The following SLC6A6 variants were observed in gnomAD, a reference collection of about 807,000 sequenced individuals.
SLC6A6 encodes solute carrier family 6 member 6.
A neutral mutation model predicts 68.8 loss-of-function variants in SLC6A6; 16 were observed. The observed-to-expected ratio is 0.23, with a 90% CI of 0.16 to 0.35. The LOEUF (loss-of-function observed/expected upper bound fraction) is 0.35, where lower values mean the gene tolerates loss of function less well. Ranked by LOEUF, SLC6A6 falls within the 10% of genes least tolerant of loss-of-function variation. The pLI is 1.00. For missense variants in SLC6A6, 474 were observed against 802.8 expected, an observed-to-expected ratio of 0.59 and a Z score of 4.95; for synonymous variants, 312 against 315.4, an observed-to-expected ratio of 0.99 and a Z score of 0.12.
At chr3:14,454,855 C>T (rs1209126838) in intron 5 of SLC6A6, among the ~76,000 whole-genome samples, 1 of 152,152 alleles carries the variant, frequency 6.6e-6, no homozygotes, top group African/African-American at 2.4e-5. Context: ...TCTCTGTCTC[C>T]CTCCCTCTTT....
At chr3:14,426,536 G>A (rs1309233177) in intron 2 of SLC6A6, among the ~76,000 whole-genome samples, 7 of 152,214 alleles carry the variant, frequency 4.6e-5, no homozygotes, top group South Asian at 2.1e-4. Flanking sequence ...CGCTACTTTC[G>A]GACTAATTAG....
chr3:14,419,732 G>A (rs1417428136), intron 2 of SLC6A6, among the ~76,000 whole-genome samples: 1 of 152,106 alleles, frequency 6.6e-6, no homozygotes, highest in Non-Finnish European at 1.5e-5. Context: ...TGTGCAAAAG[G>A]CCTAGCACAT....
rs3836358 is a variant in SLC6A6 at position 14,447,221 on chromosome 3, TATCCATCC to T, written c.365-323_365-316del. On this transcript the variant is annotated intron_variant, in intron 4 of 14. Transcript: ENST00000622186. ...CATCTATTTATCTCATCTATTCAGC[TATCCATCC>T]ATCCATCCATCCATCCATCCATCCA... is the stretch of plus-strand genomic sequence containing the variant. Among the ~76,000 whole-genome samples, 895 of 149,468 alleles carry T rather than the reference TATCCATCC, an allele frequency of 6.0e-3. 9 individuals carry two copies. Among genetic ancestry groups the T allele is most frequent in the African/African-American group, 0.01 (416 of 40,476 alleles).
intron 5 of SLC6A6, among the ~76,000 whole-genome samples, chr3:14,449,215 C>T (rs1574943071): frequency 6.6e-6 from 1 of 152,202 alleles, no homozygotes; most frequent in African/African-American, 2.4e-5. Flanking sequence ...TTGGTCGGTC[C>T]GTGTCACTGT....
intron 9 of SLC6A6, among the ~76,000 whole-genome samples, chr3:14,471,692 G>A (rs1700755732): frequency 6.6e-6 from 1 of 152,232 alleles, no homozygotes; most frequent in East Asian, 1.9e-4. Context: ...CCCCTGAAGA[G>A]ACAGGCCTCC....
intron 13 of SLC6A6, among the ~76,000 whole-genome samples, chr3:14,479,566 G>T (rs930105461): frequency 6.6e-6 from 1 of 152,146 alleles, no homozygotes; most frequent in Non-Finnish European, 1.5e-5. Context: ...GGTCACTGGG[G>T]AAGTAGAGGG....
At position 14,472,375 on chromosome 3, in the gene SLC6A6, A is replaced by C; in HGVS notation, c.1209+58A>C. 1 of 1,041,798 alleles carries C rather than the reference A, an allele frequency of 9.6e-7. No individual in the cohort carries two copies. Among genetic ancestry groups the C allele is most frequent in the East Asian group, 2.4e-5 (1 of 42,160 alleles). 64.5% of individuals were successfully genotyped at this position (1,041,798 alleles called of 1,614,324 possible). ...CCCTGTGGGGAACCTGACTCTGGGA[A>C]AGACTCCTTATTCCACCTGGGAGGT... On this transcript the variant is annotated intron_variant, in intron 10 of 14. Coordinates refer to ENST00000622186, the MANE Select transcript of SLC6A6 (RefSeq NM_003043.6). The surrounding 1 kb of genome is among the most constrained non-coding windows in gnomAD (Gnocchi z 4.5).
intron 2 of SLC6A6, among the ~76,000 whole-genome samples, chr3:14,425,992 C>T (rs1008678946): frequency 9.7e-4 from 148 of 152,294 alleles, no homozygotes; most frequent in African/African-American, 3.2e-3. Context: ...CTGGGCCTCG[C>T]GCAGCCAGGG....
At chr3:14,433,337 C>T (rs553180836) in intron 2 of SLC6A6, among the ~76,000 whole-genome samples, 1 of 152,246 alleles carries the variant, frequency 6.6e-6, no homozygotes, top group South Asian at 2.1e-4. Context: ...ACCCATGGAG[C>T]CGGCAGGGTT....
Position 14,472,329 on chromosome 3 carries a change from G to A in SLC6A6, c.1209+12G>A. The A allele has an allele frequency of 6.6e-7, 1 of 1,505,364 alleles. No individual in the cohort carries two copies. The highest frequency in any genetic ancestry group is 9.3e-7 in the Non-Finnish European group (1 of 1,080,864). The allele number at this position is 1,505,364 out of a possible 1,614,324, so 93.3% of individuals were successfully genotyped here. ...GACTGGATAGCCAGGTGCGTATAAG[G>A]GATGGCCCTGGGGCGACTGCCCCTG... On this transcript the variant is annotated intron_variant, in intron 10 of 14. Coordinates refer to ENST00000622186, the MANE Select transcript of SLC6A6 (RefSeq NM_003043.6). The surrounding 1 kb of genome is among the most constrained non-coding windows in gnomAD (Gnocchi z 4.5).
chr3:14,447,957 A>C, intron 5 of SLC6A6, 141 bp downstream of exon 5: 1 of 1,458,814 alleles, frequency 6.9e-7, no homozygotes, highest in South Asian at 1.4e-5. Flanking sequence ...AGATAAATTT[A>C]TGCCTTTGGC....
chr3:14,428,141 C>T (rs922713013), intron 2 of SLC6A6, among the ~76,000 whole-genome samples: 6 of 152,200 alleles, frequency 3.9e-5, no homozygotes, highest in Admixed American at 1.3e-4. Context: ...CAGGATCCCC[C>T]AGTCACATGC....
chr3:14,473,525 C>T (rs1700802370), intron 10 of SLC6A6, among the ~76,000 whole-genome samples: 1 of 152,036 alleles, frequency 6.6e-6, no homozygotes, highest in Admixed American at 6.5e-5. Context: ...GTCCCCAGAA[C>T]CTGGTAGGGG....
intron 3 of SLC6A6, among the ~76,000 whole-genome samples, chr3:14,445,208 G>A (rs971716530): frequency 6.6e-6 from 1 of 152,068 alleles, no homozygotes; most frequent in Non-Finnish European, 1.5e-5. Flanking sequence ...GGATCACGAG[G>A]TCAGGAGATT....
intron 5 of SLC6A6, among the ~76,000 whole-genome samples, chr3:14,451,814 G>A (rs1700257665): frequency 6.6e-6 from 1 of 152,216 alleles, no homozygotes; most frequent in Non-Finnish European, 1.5e-5. Flanking sequence ...TTTCTCTCGA[G>A]TGAATCTTGT....
At chr3:14,479,554 T>C (rs1035626444) in intron 13 of SLC6A6, among the ~76,000 whole-genome samples, 13 of 151,972 alleles carry the variant, frequency 8.6e-5, no homozygotes, top group African/African-American at 3.1e-4. Flanking sequence ...GAGCTCTGTT[T>C]GGGTCACTGG....
intron 12 of SLC6A6, chr3:14,478,884 T>G (rs1364939501): frequency 8.3e-6 from 5 of 599,504 alleles, no homozygotes; most frequent in Non-Finnish European, 1.5e-5. Flanking sequence ...GGGTTTGGAG[T>G]GTGCCTCAGA....
chr3:14,470,530 G>A (rs1318724947), intron 9 of SLC6A6, among the ~76,000 whole-genome samples: 1 of 152,150 alleles, frequency 6.6e-6, no homozygotes, highest in African/African-American at 2.4e-5. Context: ...CCAGAGGCTC[G>A]CTTGAGAAAG....
intron 2 of SLC6A6, among the ~76,000 whole-genome samples, chr3:14,439,417 A>G (rs1301473046): frequency 6.6e-6 from 1 of 152,186 alleles, no homozygotes; most frequent in Non-Finnish European, 1.5e-5. Flanking sequence ...ACGGGGCTGC[A>G]CCTGCCTGCG....
Sources: allele counts gnomAD v4.1 joint callset (sites outside exome capture counted in the v4.1 genomes callset), GRCh38; gene constraint gnomAD v4.1.1; non-coding constraint Gnocchi (gnomAD v3.1); transcripts MANE v1.5; gene names NCBI Gene and HGNC (gene_info 2026-07-23, HGNC 2026-07-21).